FIGN: variants seen among roughly 807,000 people sequenced by gnomAD.
FIGN encodes fidgetin.
FIGN carries 11 observed loss-of-function variants against 51.3 expected under a neutral mutation model. The observed-to-expected ratio is 0.21, with a 90% CI of 0.13 to 0.35. FIGN has a LOEUF of 0.35. FIGN is among the 10% of genes least tolerant of loss of function. The pLI is 1.00. For synonymous variants in FIGN, 407 were observed against 363.2 expected, an observed-to-expected ratio of 1.12 and a Z score of -1.37; for missense variants, 857 against 943.6, an observed-to-expected ratio of 0.91 and a Z score of 1.20.
chr2:163,670,767 T>A (rs1158729303), intron 2 of FIGN, among the ~76,000 whole-genome samples: 1 of 152,204 alleles, frequency 6.6e-6, no homozygotes, highest in Non-Finnish European at 1.5e-5. Context: ...ATGAATGAAG[T>A]ATTCTCAGCA....
In FIGN at chr2:163,603,893, T is replaced by C. The variant is rs1040794408; in HGVS notation, c.*5659A>G. ...AATAAATAGTATAATATAAAACACT[T>C]CATACAAAGTAATTCAATGTGCCAT... On this transcript the variant is annotated 3_prime_UTR_variant, in exon 3 of 3. Coordinates refer to ENST00000333129, the MANE Select transcript of FIGN (RefSeq NM_018086.4). 5 of 152,086 alleles carry C rather than the reference T, an allele frequency of 3.3e-5. No homozygotes were observed. Among genetic ancestry groups the C allele is most frequent in the Non-Finnish European group, 5.9e-5 (4 of 67,990 alleles). The allele number at this position is 152,086 out of a possible 1,614,324, so 9.4% of individuals were successfully genotyped here.
intron 2 of FIGN, among the ~76,000 whole-genome samples, chr2:163,684,463 A>T (rs1343159137): frequency 6.6e-6 from 1 of 152,222 alleles, no homozygotes; most frequent in Non-Finnish European, 1.5e-5. Flanking sequence ...TTCCTGGATG[A>T]GGAAATGGAG....
At chr2:163,734,870 A>G in intron 2 of FIGN, 33 bp downstream of exon 2, 1 of 1,593,088 alleles carries the variant, frequency 6.3e-7, no homozygotes, top group Non-Finnish European at 8.6e-7. Context: ...TCCTATTTAG[A>G]TGCAAAGGAA....
intron 2 of FIGN, among the ~76,000 whole-genome samples, chr2:163,631,481 T>A (rs751364127): frequency 3.9e-5 from 6 of 152,112 alleles, no homozygotes; most frequent in Non-Finnish European, 8.8e-5. Context: ...CAGGTTAACG[T>A]ACCCTACTCT....
chr2:163,720,570 C>A (rs972446948), intron 2 of FIGN, among the ~76,000 whole-genome samples: 2 of 152,142 alleles, frequency 1.3e-5, no homozygotes, highest in Non-Finnish European at 2.9e-5. Flanking sequence ...TTTACTGACA[C>A]TTCAACTGAA....
At chr2:163,692,714 G>T (rs1237996491) in intron 2 of FIGN, among the ~76,000 whole-genome samples, 1 of 152,156 alleles carries the variant, frequency 6.6e-6, no homozygotes, top group Non-Finnish European at 1.5e-5. Flanking sequence ...TTTTAACAGT[G>T]GAGATGTTAA....
intron 2 of FIGN, among the ~76,000 whole-genome samples, chr2:163,639,767 T>A (rs1403614839): frequency 1.3e-5 from 2 of 152,184 alleles, no homozygotes; most frequent in African/African-American, 4.8e-5. Flanking sequence ...ATAATATTAA[T>A]AAAAGTTGTC....
chr2:163,648,672 A>AT (rs1683421257), intron 2 of FIGN, among the ~76,000 whole-genome samples: 1 of 152,232 alleles, frequency 6.6e-6, no homozygotes, highest in South Asian at 2.1e-4. Flanking sequence ...CAATACATAC[A>AT]TTTTTTGGTA....
At chr2:163,701,771 A>G (rs1296701258) in intron 2 of FIGN, among the ~76,000 whole-genome samples, 2 of 152,120 alleles carry the variant, frequency 1.3e-5, no homozygotes, top group Non-Finnish European at 2.9e-5. Flanking sequence ...TTTTATTAAG[A>G]TTTCTTACCA....
rs900157979 is a variant in FIGN at position 163,611,015 on chromosome 2, C to T, written c.817G>A (p.Ala273Thr). Residue 273 changes from alanine (A) to threonine (T), a missense_variant, in exon 3 of 3, where the codon GCG becomes ACG. Physicochemically the swap from Ala to Thr is moderately conservative, Grantham distance 58 (BLOSUM62 0). Around this residue, in one of 3 missense-constraint regions of FIGN, gnomAD observed 799 missense variants for 849.5 expected, o/e 0.94. Coordinates refer to ENST00000333129, the MANE Select transcript of FIGN (RefSeq NM_018086.4). Reference protein sequence around the residue: ...SPGGAPPPPSAYLPSGIPAPT... With the variant: ...SPGGAPPPPSTYLPSGIPAPT... ...GCAGGAATTCCTGAAGGCAGGTACGCTGAAGGCGGAGGCGGTGCCCCCCCA... is the reference window on the plus strand; with the variant it reads ...GCAGGAATTCCTGAAGGCAGGTACGTTGAAGGCGGAGGCGGTGCCCCCCCA... 1 of 1,613,708 alleles carries T rather than the reference C, an allele frequency of 6.2e-7. No individual in the cohort carries two copies. Among genetic ancestry groups the T allele is most frequent in the Non-Finnish European group, 8.5e-7 (1 of 1,180,006 alleles).
chr2:163,657,729 T>C (rs970953), intron 2 of FIGN, among the ~76,000 whole-genome samples: 113,257 of 151,980 alleles, frequency 0.75, 42,334 homozygotes, highest in East Asian at 0.85. Flanking sequence ...TAGGTCATGC[T>C]AAATAGTGTA....
intron 2 of FIGN, among the ~76,000 whole-genome samples, chr2:163,688,115 A>G (rs1359353426): frequency 6.6e-6 from 1 of 152,238 alleles, no homozygotes; most frequent in Non-Finnish European, 1.5e-5. Flanking sequence ...AGATACATGT[A>G]TATATACGGC....
At chr2:163,666,004 A>T (rs1030551541) in intron 2 of FIGN, among the ~76,000 whole-genome samples, 1 of 152,204 alleles carries the variant, frequency 6.6e-6, no homozygotes, top group Non-Finnish European at 1.5e-5. Context: ...AAGGAACCAA[A>T]AGCAAAACAT....
At chr2:163,711,544 C>T (rs1684587724) in intron 2 of FIGN, among the ~76,000 whole-genome samples, 1 of 151,964 alleles carries the variant, frequency 6.6e-6, no homozygotes, top group South Asian at 2.1e-4. Context: ...TTTAAATCCC[C>T]CCACTTAGAG....
intron 2 of FIGN, among the ~76,000 whole-genome samples, chr2:163,664,385 C>A (rs1422906392): frequency 2.6e-5 from 4 of 152,110 alleles, no homozygotes; most frequent in African/African-American, 9.7e-5. Flanking sequence ...GACTTACATA[C>A]CTGAAAGGTT....
At chr2:163,701,623 C>T (rs1236469209) in intron 2 of FIGN, among the ~76,000 whole-genome samples, 1 of 152,194 alleles carries the variant, frequency 6.6e-6, no homozygotes, top group South Asian at 2.1e-4. Flanking sequence ...GGGGAGGCCC[C>T]TTTGGGACTG....
intron 2 of FIGN, among the ~76,000 whole-genome samples, chr2:163,730,776 A>G (rs1195552334): frequency 6.6e-6 from 1 of 152,218 alleles, no homozygotes; most frequent in Admixed American, 6.5e-5. Context: ...TCTATCGATC[A>G]GTAGCATATG....
intron 2 of FIGN, among the ~76,000 whole-genome samples, chr2:163,663,497 G>A (rs1402097904): frequency 6.6e-6 from 1 of 151,468 alleles, no homozygotes; most frequent in African/African-American, 2.4e-5. Context: ...GCCACACCTG[G>A]CTAATTTTGT....
intron 2 of FIGN, among the ~76,000 whole-genome samples, chr2:163,634,131 A>C (rs1683191254): frequency 7.2e-6 from 1 of 138,376 alleles, no homozygotes; most frequent in African/African-American, 2.6e-5. Context: ...TGTTTGGCTC[A>C]CTTTAAAAAA....
Sources: gnomAD v4.1 joint callset for allele counts (sites outside exome capture counted in the v4.1 genomes callset) on GRCh38, gnomAD v4.1.1 for gene constraint, gnomAD v4.1.1 regional missense constraint, MANE v1.5 for transcripts, NCBI Gene and HGNC (gene_info 2026-07-23, HGNC 2026-07-21) for gene names.